The following FAM168A variants were observed in gnomAD, a reference collection of about 807,000 sequenced individuals.
FAM168A encodes protein FAM168A.
Under a neutral mutation model 28.5 loss-of-function variants are expected in FAM168A, and 3 were observed. The observed-to-expected ratio is 0.11, with a 90% CI of 0.05 to 0.27. The LOEUF (loss-of-function observed/expected upper bound fraction) is 0.27. FAM168A is among the 10% of genes least tolerant of loss of function. The pLI, the probability that FAM168A is intolerant of heterozygous loss-of-function variation, is 1.00. For missense variants in FAM168A, 222 were observed against 311.5 expected (o/e 0.71, Z 2.16); for synonymous variants, 122 against 124.2 (o/e 0.98, Z 0.12).
At chr11:73,536,539 T>C (rs868625142) in intron 1 of FAM168A, among the ~76,000 whole-genome samples, 14 of 151,836 alleles carry the variant, frequency 9.2e-5, no homozygotes, top group African/African-American at 3.1e-4. Context: ...AATACAAAAT[T>C]AGTTGGGCGT....
Position 73,460,102 on chromosome 11 carries a change from G to C in FAM168A, c.70+8303C>G, listed in dbSNP as rs1867617514. 2.6e-5 allele frequency among the ~76,000 whole-genome samples: 4 copies of C among 151,830 alleles called. No individual in the cohort carries two copies. The South Asian group carries it at 8.3e-4, about 32-fold the overall frequency. ...TCACCGTGGTAACCAGGATGGTCTC[G>C]ATCTCCCGACCTCGTGATCCGCCCA... On this transcript the variant is annotated intron_variant, in intron 2 of 7. Transcript: ENST00000356467.
At chr11:73,524,326 AATTT>A (rs1195571005) in intron 1 of FAM168A, among the ~76,000 whole-genome samples, 1 of 151,972 alleles carries the variant, frequency 6.6e-6, no homozygotes, top group Non-Finnish European at 1.5e-5. Flanking sequence ...GGAAAAGTAT[AATTT>A]CTTTGATGAT....
chr11:73,442,790 T>C lies in FAM168A; in HGVS notation c.71-12020A>G, dbSNP rs985907598. Among the ~76,000 whole-genome samples, 14 of 150,478 alleles carry C rather than the reference T, an allele frequency of 9.3e-5. No individual in the cohort carries two copies. The East Asian group carries it at 2.1e-3, about 23-fold the overall frequency. On this transcript the variant is annotated intron_variant, in intron 2 of 7. Coordinates refer to ENST00000356467, the MANE Select transcript of FAM168A (RefSeq NM_015159.3). Reference sequence around the variant, plus strand: ...CCTCTAGGTGACTGTTGGGTATACGTGGTGTACAGTGTTGTTCAAGGCTTC... The same window carrying C: ...CCTCTAGGTGACTGTTGGGTATACGCGGTGTACAGTGTTGTTCAAGGCTTC...
rs1866394877 is a variant in FAM168A at position 73,400,989 on chromosome 11, A to T, written c.*5774T>A. The T allele has an allele frequency of 6.6e-6, 1 of 152,022 alleles. No homozygotes were observed. Among genetic ancestry groups the T allele is most frequent in the African/African-American group, 2.4e-5 (1 of 41,410 alleles). 9.4% of individuals were successfully genotyped at this position (152,022 alleles called of 1,614,324 possible). A position where few individuals can be genotyped will look rare whatever the true frequency, so the allele number is the denominator to read the frequency against. ...ACACTTCATACACACAGGCAAGGCC[A>T]TGGGGCTTTCCAATCTTTACACTCC... On this transcript the variant is annotated 3_prime_UTR_variant, in exon 8 of 8. Transcript: ENST00000356467.
chr11:73,552,524 A>C (rs1037764098), intron 1 of FAM168A, among the ~76,000 whole-genome samples: 1 of 152,242 alleles, frequency 6.6e-6, no homozygotes, highest in African/African-American at 2.4e-5. Context: ...GGTGGTTGCT[A>C]CTATTACATA....
intron 1 of FAM168A, among the ~76,000 whole-genome samples, chr11:73,565,645 T>C (rs1944012879): frequency 1.3e-5 from 2 of 148,592 alleles, no homozygotes; most frequent in Non-Finnish European, 2.9e-5. Flanking sequence ...ATTAGTTATG[T>C]TCCCTAACTC....
chr11:73,434,950 C>G (rs187698176), intron 2 of FAM168A, among the ~76,000 whole-genome samples: 1 of 152,194 alleles, frequency 6.6e-6, no homozygotes, highest in African/African-American at 2.4e-5. Context: ...GAAAGACCAT[C>G]AATTTGTACT....
intron 1 of FAM168A, among the ~76,000 whole-genome samples, chr11:73,516,029 A>G (rs1218077102): frequency 6.6e-6 from 1 of 150,548 alleles, no homozygotes; most frequent in Non-Finnish European, 1.5e-5. Context: ...TGAACCCAGG[A>G]GGCGGAGGTT....
chr11:73,553,742 G>T lies in FAM168A; in HGVS notation c.-19+44181C>A, dbSNP rs567647585. ...CATGTATGTAACCCTAGCACTTTGG[G>T]AGGCCAAGGCAGGCAGATGGATTGA... is the stretch of plus-strand genomic sequence containing the variant. On this transcript the variant is annotated intron_variant, in intron 1 of 7. Coordinates refer to ENST00000356467, the MANE Select transcript of FAM168A (RefSeq NM_015159.3). Among the ~76,000 whole-genome samples, 493 of 152,228 alleles carry T rather than the reference G, an allele frequency of 3.2e-3. 5 individuals carry two copies. The highest frequency in any genetic ancestry group is 0.012 in the African/African-American group (479 of 41,534).
intron 2 of FAM168A, among the ~76,000 whole-genome samples, chr11:73,447,698 TA>T (rs1206116742): frequency 6.6e-6 from 1 of 151,572 alleles, no homozygotes; most frequent in African/African-American, 2.4e-5. Context: ...TGCCCAAACC[TA>T]TTTTTTTTTT....
At chr11:73,469,550 G>C (rs1349075124) in intron 1 of FAM168A, among the ~76,000 whole-genome samples, 1 of 152,176 alleles carries the variant, frequency 6.6e-6, no homozygotes. Flanking sequence ...TGGAGAAAAG[G>C]TGGGCTAACA....
intron 2 of FAM168A, among the ~76,000 whole-genome samples, chr11:73,466,764 T>C (rs1867742241): frequency 6.6e-6 from 1 of 152,052 alleles, no homozygotes; most frequent in Admixed American, 6.6e-5. Context: ...TCCCTATTAC[T>C]CAAAAAATGA....
At chr11:73,515,477 T>C (rs113233095) in intron 1 of FAM168A, among the ~76,000 whole-genome samples, 41 of 142,026 alleles carry the variant, frequency 2.9e-4, no homozygotes, top group African/African-American at 1.1e-3. Context: ...CATTGCACTC[T>C]AGCTGCGGTA....
chr11:73,427,910 T>G (rs369909878), intron 3 of FAM168A, among the ~76,000 whole-genome samples: 5 of 152,172 alleles, frequency 3.3e-5, no homozygotes, highest in Non-Finnish European at 5.9e-5. Context: ...CTGTTATCTT[T>G]TGGTAGTTTC....
chr11:73,538,352 A>AAG (rs1466080469), intron 1 of FAM168A, among the ~76,000 whole-genome samples: 1 of 152,004 alleles, frequency 6.6e-6, no homozygotes, highest in South Asian at 2.1e-4. Flanking sequence ...AAAAAAAAAA[A>AAG]AGAGAGAGAG....
intron 1 of FAM168A, among the ~76,000 whole-genome samples, chr11:73,525,053 C>G (rs1392065615): frequency 6.8e-6 from 1 of 147,122 alleles, no homozygotes; most frequent in Non-Finnish European, 1.5e-5. Flanking sequence ...CATTGTTTCT[C>G]TTGTGCTTGT....
intron 1 of FAM168A, among the ~76,000 whole-genome samples, chr11:73,550,783 G>A (rs1943818536): frequency 6.6e-6 from 1 of 151,892 alleles, no homozygotes; most frequent in African/African-American, 2.4e-5. Context: ...GTGAAAAGTA[G>A]TTCAATTTGG....
intron 1 of FAM168A, among the ~76,000 whole-genome samples, chr11:73,509,150 T>C (rs1006005013): frequency 1.3e-5 from 2 of 152,216 alleles, no homozygotes; most frequent in African/African-American, 4.8e-5. Flanking sequence ...TACAGCATCA[T>C]TGTTATTACA....
intron 1 of FAM168A, among the ~76,000 whole-genome samples, chr11:73,525,734 T>C (rs765679254): frequency 8.5e-5 from 13 of 152,338 alleles, no homozygotes; most frequent in Non-Finnish European, 1.8e-4. Context: ...TGCTAAATTG[T>C]TCACAACCTG....
Sources: allele counts gnomAD v4.1 joint callset (sites outside exome capture counted in the v4.1 genomes callset), GRCh38; gene constraint gnomAD v4.1.1; transcripts MANE v1.5; gene names NCBI Gene and HGNC (gene_info 2026-07-23, HGNC 2026-07-21).